The following ST6GALNAC4 variants were observed in gnomAD, a reference collection of about 807,000 sequenced individuals.
ST6GALNAC4 encodes the protein alpha-N-acetyl-neuraminyl-2,3-beta-galactosyl-1,3-N-acetyl-galactosaminide alpha-2,6-sialyltransferase.
A neutral mutation model predicts 30.4 loss-of-function variants in ST6GALNAC4; 24 were observed. The ratio of observed to expected loss-of-function variants is 0.79; its 90% CI spans 0.57 to 1.11. The LOEUF (loss-of-function observed/expected upper bound fraction) is 1.11, where lower values mean the gene tolerates loss of function less well. ST6GALNAC4 is among the 50% of genes most tolerant of loss of function. ST6GALNAC4 has a pLI of 0.00. For missense variants in ST6GALNAC4, 365 were observed against 430.1 expected (o/e 0.85, Z 1.34); for synonymous variants, 156 against 179.7 (o/e 0.87, Z 1.05).
intron 2 of ST6GALNAC4, chr9:127,916,026 G>C (rs1831187154): frequency 3.1e-6 from 1 of 326,144 alleles, no homozygotes; most frequent in Admixed American, 4.5e-5. Flanking sequence ...TGAGGAACCA[G>C]AGACCTTGAC....
At chr9:127,914,991 G>T in intron 2 of ST6GALNAC4, 150 bp from the exon 3 acceptor site, 1 of 638,706 alleles carries the variant, frequency 1.6e-6, no homozygotes, top group Non-Finnish European at 2.4e-6. Flanking sequence ...CCATCCACTG[G>T]GCCTTACCTG....
chr9:127,913,554 C>T (rs1027847193), intron 3 of ST6GALNAC4, among the ~76,000 whole-genome samples: 1 of 152,098 alleles, frequency 6.6e-6, no homozygotes, highest in African/African-American at 2.4e-5. Context: ...CACTGTACTC[C>T]AGCCTGTTGA....
At chr9:127,911,647 C>T (rs563057986) in intron 4 of ST6GALNAC4, among the ~76,000 whole-genome samples, 5 of 152,290 alleles carry the variant, frequency 3.3e-5, no homozygotes, top group Admixed American at 6.5e-5. Context: ...CCACCACACC[C>T]GGCTAATTTT....
In ST6GALNAC4 at chr9:127,916,887, C is replaced by T. The variant is rs1831205531; in HGVS notation, c.-137G>A. The T allele has an allele frequency of 5.6e-6, 1 of 178,306 alleles. No homozygotes were observed. Among genetic ancestry groups the T allele is most frequent in the Non-Finnish European group, 1.2e-5 (1 of 83,072 alleles). 11.0% of individuals were successfully genotyped at this position (178,306 alleles called of 1,614,324 possible). ...GGGCAGGACGTAGGTTTTTCACCGCCCTTCCAGATTCCACTGCCGCATCTC... is the reference window on the plus strand; with the variant it reads ...GGGCAGGACGTAGGTTTTTCACCGCTCTTCCAGATTCCACTGCCGCATCTC... On this transcript the variant is annotated 5_prime_UTR_variant, in exon 1 of 6. Coordinates refer to ENST00000335791, the MANE Select transcript of ST6GALNAC4 (RefSeq NM_175039.4).
Position 127,909,277 on chromosome 9 carries a change from G to T in ST6GALNAC4, c.719+674C>A, listed in dbSNP as rs532949524. 4.5e-4 allele frequency among the ~76,000 whole-genome samples: 68 copies of T among 151,366 alleles called. No homozygotes were observed. The South Asian group carries it at 0.014, about 30-fold the overall frequency. ...GGTGGCACGTGCCTGTAATCCCAGC[G>T]ACTAGGGAGGCTGAGGCAGGAGAAT... On this transcript the variant is annotated intron_variant, in intron 5 of 5. Coordinates refer to ENST00000335791, the MANE Select transcript of ST6GALNAC4 (RefSeq NM_175039.4).
At chr9:127,910,394 C>A in intron 4 of ST6GALNAC4, 1 of 1,086,288 alleles carries the variant, frequency 9.2e-7, no homozygotes. Flanking sequence ...CCTGGGGAGA[C>A]AGCATGAGGC....
chr9:127,910,671 G>C, intron 4 of ST6GALNAC4: 1 of 955,722 alleles, frequency 1.0e-6, no homozygotes, highest in Non-Finnish European at 1.2e-6. Context: ...GCAGCCCTGG[G>C]TACTCTTGCA....
intron 2 of ST6GALNAC4, chr9:127,915,865 C>T (rs753931563): frequency 1.9e-5 from 3 of 158,810 alleles, no homozygotes; most frequent in Non-Finnish European, 2.8e-5. Context: ...GCCCCCACCC[C>T]CTACCCCATC....
intron 5 of ST6GALNAC4, among the ~76,000 whole-genome samples, chr9:127,909,535 A>G (rs1192178469): frequency 7.0e-6 from 1 of 143,122 alleles, no homozygotes; most frequent in Non-Finnish European, 1.5e-5. Context: ...TAAAACTTAT[A>G]TAAAACATAT....
intron 4 of ST6GALNAC4, among the ~76,000 whole-genome samples, chr9:127,911,312 C>T (rs751520136): frequency 1.3e-5 from 2 of 152,168 alleles, no homozygotes; most frequent in Admixed American, 6.5e-5. Context: ...CTGGGGGATA[C>T]ACCAGAGGCT....
intron 2 of ST6GALNAC4, 67 bp from the exon 3 acceptor site, chr9:127,914,908 G>A: frequency 7.3e-7 from 1 of 1,367,226 alleles, no homozygotes; most frequent in Non-Finnish European, 9.6e-7. Context: ...CTTCAGCGCT[G>A]CACCTGGCCT....
rs1831206571 is a variant in ST6GALNAC4 at position 127,916,946 on chromosome 9, G to A, written c.-196C>T. 1.9e-5 allele frequency: 3 copies of A among 159,328 alleles called. No homozygotes were observed. Among genetic ancestry groups the A allele is most frequent in the Non-Finnish European group, 4.2e-5 (3 of 71,626 alleles). 9.9% of individuals were successfully genotyped at this position (159,328 alleles called of 1,614,324 possible). On this transcript the variant is annotated 5_prime_UTR_variant, in exon 1 of 6. Coordinates refer to ENST00000335791, the MANE Select transcript of ST6GALNAC4 (RefSeq NM_175039.4). ...ATGCTAACCGGGCGTGCAGGCTGGG[G>A]TTCGCAGGAGGCTCGCGATCCGCCG...
intron 1 of ST6GALNAC4, 138 bp downstream of exon 1, chr9:127,916,688 G>A (rs954929172): frequency 5.3e-6 from 3 of 569,644 alleles, no homozygotes; most frequent in Non-Finnish European, 9.4e-6. Context: ...CGACGTTTGC[G>A]AGACCTCCTG....
chr9:127,909,115 C>T (rs568445088), intron 5 of ST6GALNAC4, among the ~76,000 whole-genome samples: 11 of 151,616 alleles, frequency 7.3e-5, no homozygotes, highest in African/African-American at 1.5e-4. Context: ...TAGGCTGGTG[C>T]GGTGCTCACA....
At chr9:127,913,919 T>C (rs1040095922) in intron 3 of ST6GALNAC4, among the ~76,000 whole-genome samples, 1 of 152,126 alleles carries the variant, frequency 6.6e-6, no homozygotes, top group Non-Finnish European at 1.5e-5. Context: ...ACCGAGCGCA[T>C]GATGGCCTAC....
chr9:127,912,007 T>C (rs1831083069), intron 4 of ST6GALNAC4, among the ~76,000 whole-genome samples: 1 of 152,216 alleles, frequency 6.6e-6, no homozygotes, highest in Admixed American at 6.5e-5. Context: ...CTCATGCCCC[T>C]ACACACTGGC....
chr9:127,914,818 C>G lies in ST6GALNAC4; in HGVS notation c.36G>C (p.Leu12=), dbSNP rs1250516718. The G allele has an allele frequency of 6.5e-7, 1 of 1,546,396 alleles. No individual in the cohort carries two copies. Among genetic ancestry groups the G allele is most frequent in the Non-Finnish European group, 8.8e-7 (1 of 1,142,624 alleles). ...AGACGGCAGAGAAGACCACGGAGCA[C>G]AGGATGATGAGCACGAGCCGACCCT... ...KAPGRLVLII[L]CSVVFSAVYI... is the part of the protein sequence containing the mutation. The change falls in exon 3 of 6, where the codon CTG becomes CTC. Residue 12 remains leucine, a synonymous_variant. Transcript: ENST00000335791.
chr9:127,914,911 C>T, intron 2 of ST6GALNAC4, 70 bp from the exon 3 acceptor site: 2 of 1,353,076 alleles, frequency 1.5e-6, no homozygotes, highest in Non-Finnish European at 1.9e-6. Flanking sequence ...CAGCGCTGCA[C>T]CTGGCCTCCT....
At chr9:127,911,731 C>T (rs1831077950) in intron 4 of ST6GALNAC4, among the ~76,000 whole-genome samples, 1 of 152,210 alleles carries the variant, frequency 6.6e-6, no homozygotes, top group South Asian at 2.1e-4. Context: ...GTGATCCTTC[C>T]ACCTTGGCCT....
Sources: allele counts gnomAD v4.1 joint callset (sites outside exome capture counted in the v4.1 genomes callset), GRCh38; gene constraint gnomAD v4.1.1; transcripts MANE v1.5; gene names NCBI Gene and HGNC (gene_info 2026-07-23, HGNC 2026-07-21).